FRMD5: variants seen among roughly 807,000 people sequenced by gnomAD.
FRMD5 encodes the protein FERM domain-containing protein 5.
A neutral mutation model predicts 69.0 loss-of-function variants in FRMD5; 20 were observed. The observed-to-expected ratio is 0.29, with a 90% CI of 0.20 to 0.42. The LOEUF (loss-of-function observed/expected upper bound fraction) is 0.42. FRMD5 is among the 10% of genes least tolerant of loss of function. FRMD5 has a pLI of 1.00. For synonymous variants in FRMD5, 271 were observed against 260.1 expected, an observed-to-expected ratio of 1.04 and a Z score of -0.40; for missense variants, 595 against 708.6, an observed-to-expected ratio of 0.84 and a Z score of 1.82.
chr15:44,108,377 G>C (rs2076749228), intron 1 of FRMD5, among the ~76,000 whole-genome samples: 1 of 152,152 alleles, frequency 6.6e-6, no homozygotes, highest in Non-Finnish European at 1.5e-5. Context: ...AGGCGCGGTG[G>C]CTCATGCCTG....
intron 1 of FRMD5, among the ~76,000 whole-genome samples, chr15:44,006,608 A>C (rs1890461504): frequency 6.6e-6 from 1 of 152,186 alleles, no homozygotes; most frequent in Non-Finnish European, 1.5e-5. Context: ...TCATGGGGAG[A>C]AGTCAAATTA....
intron 1 of FRMD5, among the ~76,000 whole-genome samples, chr15:44,088,025 A>G (rs1272069915): frequency 2.0e-5 from 3 of 152,176 alleles, no homozygotes; most frequent in Admixed American, 1.3e-4. Flanking sequence ...TTTCGTGAAC[A>G]TCTACCATGT....
At chr15:43,901,774 A>C (rs2089051283) in intron 7 of FRMD5, 1 of 194,024 alleles carries the variant, frequency 5.2e-6, no homozygotes, top group Admixed American at 5.5e-5. Flanking sequence ...GCAGTGACTT[A>C]TGCCACTGCA....
In FRMD5 at chr15:43,871,991, T is replaced by C. The variant is rs1242569421; in HGVS notation, c.*1894A>G. 6.6e-6 allele frequency: 1 copy of C among 152,364 alleles called. No individual in the cohort carries two copies. The highest frequency in any genetic ancestry group is 1.9e-4 in the East Asian group (1 of 5,190). The allele number at this position is 152,364 out of a possible 1,614,324, so 9.4% of individuals were successfully genotyped here. On this transcript the variant is annotated 3_prime_UTR_variant, in exon 14 of 14. Transcript: ENST00000417257. ...TGTCTAGAGCAGGATTGGCGTATTA[T>C]GGCCTGTAGGCTAAATTCAGCTCAC... is the stretch of plus-strand genomic sequence containing the variant.
chr15:44,018,812 T>C (rs1262494688), intron 1 of FRMD5, among the ~76,000 whole-genome samples: 1 of 152,226 alleles, frequency 6.6e-6, no homozygotes, highest in African/African-American at 2.4e-5. Flanking sequence ...CTAGGCAGTT[T>C]ATTTCCAGAG....
At chr15:43,914,846 T>G (rs2089356156) in intron 4 of FRMD5, among the ~76,000 whole-genome samples, 1 of 151,104 alleles carries the variant, frequency 6.6e-6, no homozygotes, top group South Asian at 2.1e-4. Context: ...CTGCCTCAGC[T>G]TCCTGAGTAG....
intron 4 of FRMD5, among the ~76,000 whole-genome samples, chr15:43,917,003 C>A (rs2140434150): frequency 6.6e-6 from 1 of 152,294 alleles, no homozygotes; most frequent in Non-Finnish European, 1.5e-5. Flanking sequence ...TGGTCTCAAA[C>A]TCCTGACCTC....
chr15:44,064,217 C>A, intron 1 of FRMD5: 1 of 179,706 alleles, frequency 5.6e-6, no homozygotes, highest in South Asian at 1.2e-4. Context: ...TTCCATGTCT[C>A]CCACCACCAC....
intron 1 of FRMD5, among the ~76,000 whole-genome samples, chr15:43,994,600 T>A (rs1162053540): frequency 1.3e-5 from 2 of 151,276 alleles, no homozygotes; most frequent in Admixed American, 1.3e-4. Flanking sequence ...CCAGCTAATT[T>A]TTTTATTTTT....
At position 44,169,380 on chromosome 15, in the gene FRMD5, TA is replaced by T. The variant is rs934929066; in HGVS notation, c.102+25572del. Among the ~76,000 whole-genome samples, 788 of 142,966 alleles carry T rather than the reference TA, an allele frequency of 5.5e-3. 6 individuals carry two copies. The highest frequency in any genetic ancestry group is 0.019 in the African/African-American group (725 of 39,130). 93.8% of individuals were successfully genotyped at this position (142,966 alleles called of 152,430 possible). A position where few individuals can be genotyped will look rare whatever the true frequency, so the allele number is the denominator to read the frequency against. ...TTCCTTTGGAATTAGAATCCTTCCA[TA>T]AAAAAAAAAATTAAGAGAAGATAGT... On this transcript the variant is annotated intron_variant, in intron 1 of 13. Coordinates refer to ENST00000417257, the MANE Select transcript of FRMD5 (RefSeq NM_032892.5).
intron 1 of FRMD5, among the ~76,000 whole-genome samples, chr15:43,946,925 C>G (rs1485599249): frequency 8.5e-5 from 13 of 152,194 alleles, no homozygotes; most frequent in Admixed American, 8.5e-4. Flanking sequence ...TAGGCAACTT[C>G]AGTCTTTAGA....
intron 1 of FRMD5, among the ~76,000 whole-genome samples, chr15:44,072,403 A>G (rs1893579431): frequency 6.6e-6 from 1 of 152,194 alleles, no homozygotes; most frequent in Non-Finnish European, 1.5e-5. Context: ...CCTTTTTGCT[A>G]CTTGTTATAA....
intron 1 of FRMD5, among the ~76,000 whole-genome samples, chr15:44,178,853 G>A (rs985809712): frequency 6.6e-6 from 1 of 152,130 alleles, no homozygotes; most frequent in African/African-American, 2.4e-5. Flanking sequence ...TTAGCCAGGT[G>A]TGGTAGCACG....
chr15:44,129,613 A>G (rs1264120731), intron 1 of FRMD5, among the ~76,000 whole-genome samples: 1 of 152,126 alleles, frequency 6.6e-6, no homozygotes, highest in African/African-American at 2.4e-5. Context: ...CTGCTTCAAT[A>G]TCCCATTAAC....
intron 1 of FRMD5, among the ~76,000 whole-genome samples, chr15:44,018,372 A>G (rs1891063822): frequency 6.6e-6 from 1 of 152,224 alleles, no homozygotes; most frequent in South Asian, 2.1e-4. Flanking sequence ...TAACTCCTTT[A>G]GTAAAGTGTC....
intron 1 of FRMD5, among the ~76,000 whole-genome samples, chr15:44,116,083 G>A (rs1253037672): frequency 3.9e-5 from 6 of 152,168 alleles, no homozygotes; most frequent in Non-Finnish European, 8.8e-5. Context: ...TTGCTCAGAT[G>A]AATGCTAACC....
chr15:44,132,016 GT>G (rs1389048048), intron 1 of FRMD5, among the ~76,000 whole-genome samples: 2 of 152,094 alleles, frequency 1.3e-5, no homozygotes, highest in Non-Finnish European at 2.9e-5. Flanking sequence ...GAGCCCTGAG[GT>G]TTTTTTCATA....
At chr15:44,074,120 C>G (rs534148088) in intron 1 of FRMD5, among the ~76,000 whole-genome samples, 2 of 152,242 alleles carry the variant, frequency 1.3e-5, no homozygotes, top group South Asian at 4.2e-4. Flanking sequence ...GTCATTTCTA[C>G]CTAACTCCTG....
intron 7 of FRMD5, among the ~76,000 whole-genome samples, 178 bp from the exon 8 acceptor site, chr15:43,892,247 G>A (rs1334080585): frequency 5.9e-5 from 9 of 152,134 alleles, no homozygotes; most frequent in African/African-American, 1.7e-4. Context: ...CTTGCCAGCC[G>A]CATGACTACA....
Sources: gnomAD v4.1 joint callset for allele counts (sites outside exome capture counted in the v4.1 genomes callset) on GRCh38, gnomAD v4.1.1 for gene constraint, MANE v1.5 for transcripts, NCBI Gene and HGNC (gene_info 2026-07-23, HGNC 2026-07-21) for gene names.